SLC39A11: variants seen among roughly 807,000 people sequenced by gnomAD.
SLC39A11 encodes zinc transporter ZIP11.
SLC39A11 carries 33 observed loss-of-function variants against 36.1 expected under a neutral mutation model. That is an observed-to-expected ratio of 0.91 (90% CI 0.69 to 1.22). The LOEUF (loss-of-function observed/expected upper bound fraction) is 1.22, where lower values mean the gene tolerates loss of function less well. SLC39A11 is among the 50% of genes most tolerant of loss of function. SLC39A11 has a pLI of 0.00. For synonymous variants in SLC39A11, 166 were observed against 170.3 expected (o/e 0.97, Z 0.20); for missense variants, 432 against 430.3 (o/e 1.00, Z -0.03).
At chr17:72,880,956 C>T (rs1402261186) in intron 5 of SLC39A11, among the ~76,000 whole-genome samples, 1 of 151,676 alleles carries the variant, frequency 6.6e-6, no homozygotes, top group Admixed American at 6.6e-5. Flanking sequence ...GCTGGGATTA[C>T]AGGCGTGAGC....
At chr17:73,018,717 C>T (rs375966140) in intron 4 of SLC39A11, among the ~76,000 whole-genome samples, 1 of 152,012 alleles carries the variant, frequency 6.6e-6, no homozygotes, top group East Asian at 1.9e-4. Flanking sequence ...GCCATGACAA[C>T]ACTCAAACTT....
chr17:72,898,311 AAC>A (rs2082132802), intron 5 of SLC39A11, among the ~76,000 whole-genome samples: 2 of 152,212 alleles, frequency 1.3e-5, no homozygotes, highest in South Asian at 4.1e-4. Flanking sequence ...GTTCATGAGC[AAC>A]ACAGAGAATT....
At chr17:73,008,534 C>T (rs1014170275) in intron 4 of SLC39A11, among the ~76,000 whole-genome samples, 5 of 152,158 alleles carry the variant, frequency 3.3e-5, no homozygotes, top group Non-Finnish European at 7.4e-5. Context: ...AGCCTGGCTG[C>T]CCACCAGGTT....
intron 7 of SLC39A11, among the ~76,000 whole-genome samples, chr17:72,696,747 A>G (rs769056081): frequency 3.9e-5 from 6 of 152,224 alleles, no homozygotes; most frequent in South Asian, 4.1e-4. Context: ...GCTTTTAATA[A>G]TTATGTTATA....
At chr17:72,737,884 T>C (rs954339926) in intron 6 of SLC39A11, among the ~76,000 whole-genome samples, 1 of 151,950 alleles carries the variant, frequency 6.6e-6, no homozygotes, top group Non-Finnish European at 1.5e-5. Flanking sequence ...TGGGAAAGAG[T>C]CTACCCTGCC....
chr17:72,812,993 G>A (rs1476149163), intron 6 of SLC39A11, among the ~76,000 whole-genome samples: 2 of 152,106 alleles, frequency 1.3e-5, no homozygotes, highest in African/African-American at 2.4e-5. Flanking sequence ...CTCCCAATCC[G>A]ATTTTCTCTT....
intron 3 of SLC39A11, among the ~76,000 whole-genome samples, chr17:73,049,597 G>C (rs1357528827): frequency 6.6e-6 from 1 of 152,164 alleles, no homozygotes; most frequent in Non-Finnish European, 1.5e-5. Context: ...TCGGGGTAGG[G>C]GCAGTTAAAG....
intron 7 of SLC39A11, among the ~76,000 whole-genome samples, chr17:72,723,325 T>C (rs1433974732): frequency 9.1e-6 from 1 of 109,860 alleles, no homozygotes; most frequent in Non-Finnish European, 2.2e-5. Flanking sequence ...TGTAAGAGTG[T>C]GTGTGTGTGT....
chr17:72,864,747 C>T (rs951753556), intron 5 of SLC39A11, among the ~76,000 whole-genome samples: 3 of 152,116 alleles, frequency 2.0e-5, no homozygotes, highest in Non-Finnish European at 2.9e-5. Flanking sequence ...AGTCCTAACC[C>T]GCTGCTCCCT....
At chr17:73,054,807 C>CAAAAA (rs5821939) in intron 3 of SLC39A11, among the ~76,000 whole-genome samples, 1 of 113,232 alleles carries the variant, frequency 8.8e-6, no homozygotes, top group Non-Finnish European at 1.8e-5. Flanking sequence ...GATTCCGTCT[C>CAAAAA]AAAAAAAAAA....
intron 4 of SLC39A11, among the ~76,000 whole-genome samples, chr17:72,999,671 G>A: frequency 6.6e-6 from 1 of 152,176 alleles, no homozygotes; most frequent in East Asian, 1.9e-4. Flanking sequence ...ATTTCCTGCT[G>A]TGGTGAACAC....
chr17:73,047,998 T>A (rs201935971), intron 3 of SLC39A11, among the ~76,000 whole-genome samples: 2,699 of 51,836 alleles, frequency 0.052, 74 homozygotes, highest in East Asian at 0.18. Flanking sequence ...AAAATATATA[T>A]ATATATATAT....
rs1213533559 is a variant in SLC39A11 at position 73,009,274 on chromosome 17, C to T, written c.306+22282G>A. ...GTCCCCGCTACGGGGGAGGCTGAGG[C>T]AGGAGAATGGCGTGAGCTTGCAGTG... is the stretch of plus-strand genomic sequence containing the variant. On this transcript the variant is annotated intron_variant, in intron 4 of 9. Coordinates refer to ENST00000255559, the MANE Select transcript of SLC39A11 (RefSeq NM_139177.4). Among the ~76,000 whole-genome samples the T allele has an allele frequency of 3.4e-5, 5 of 146,032 alleles. No homozygotes were observed. The Admixed American group carries it at 3.6e-4, about 10-fold the overall frequency.
chr17:72,897,980 A>G (rs7215293), intron 5 of SLC39A11, among the ~76,000 whole-genome samples: 99,354 of 151,892 alleles, frequency 0.65, 34,545 homozygotes, highest in African/African-American at 0.91. Flanking sequence ...ATCCACAGAA[A>G]CGTAGGAGAG....
intron 4 of SLC39A11, among the ~76,000 whole-genome samples, chr17:73,024,992 A>G (rs753560977): frequency 2.7e-5 from 4 of 150,182 alleles, no homozygotes; most frequent in Admixed American, 6.8e-5. Context: ...CTGAGATTAT[A>G]GGCATGAGCT....
chr17:72,830,449 G>T (rs2078231550), intron 6 of SLC39A11, among the ~76,000 whole-genome samples: 1 of 152,028 alleles, frequency 6.6e-6, no homozygotes, highest in Non-Finnish European at 1.5e-5. Context: ...CATCAACTTG[G>T]TAAAAACACA....
chr17:73,046,305 A>G (rs1264572663), intron 3 of SLC39A11, among the ~76,000 whole-genome samples: 1 of 152,154 alleles, frequency 6.6e-6, no homozygotes, highest in African/African-American at 2.4e-5. Flanking sequence ...TCGTGAAAAT[A>G]CAGGTTCTGA....
intron 5 of SLC39A11, among the ~76,000 whole-genome samples, chr17:72,861,527 T>A (rs2079983957): frequency 6.6e-6 from 1 of 151,356 alleles, no homozygotes; most frequent in Non-Finnish European, 1.5e-5. Flanking sequence ...CTAGCATCCT[T>A]AAAGCATGCT....
At chr17:72,811,915 C>A (rs544806765) in intron 6 of SLC39A11, among the ~76,000 whole-genome samples, 1 of 152,156 alleles carries the variant, frequency 6.6e-6, no homozygotes, top group Non-Finnish European at 1.5e-5. Context: ...GAGAATGTAA[C>A]TTTGCCATAA....
Sources: gnomAD v4.1 joint callset for allele counts (sites outside exome capture counted in the v4.1 genomes callset) on GRCh38, gnomAD v4.1.1 for gene constraint, MANE v1.5 for transcripts, NCBI Gene and HGNC (gene_info 2026-07-23, HGNC 2026-07-21) for gene names.